Variants in PPP2R5E observed in about 807,000 individuals in gnomAD.
PPP2R5E encodes serine/threonine-protein phosphatase 2A 56 kDa regulatory subunit epsilon isoform.
In PPP2R5E, 4 loss-of-function variants were observed where a neutral mutation model predicts 65.3. The ratio of observed to expected loss-of-function variants is 0.06; its 90% CI spans 0.03 to 0.14. The LOEUF (loss-of-function observed/expected upper bound fraction) is 0.14, where lower values mean the gene tolerates loss of function less well. PPP2R5E is among the 10% of genes least tolerant of loss of function. PPP2R5E has a pLI of 1.00. For missense variants in PPP2R5E, 274 were observed against 556.1 expected (o/e 0.49, Z 5.10); for synonymous variants, 183 against 187.4 (o/e 0.98, Z 0.19).
intron 5 of PPP2R5E, among the ~76,000 whole-genome samples, chr14:63,400,386 T>C (rs1017785053): frequency 5.3e-5 from 8 of 152,154 alleles, no homozygotes; most frequent in African/African-American, 1.9e-4. Context: ...GGAAGAGACA[T>C]CCAGGCTGAC....
chr14:63,517,934 C>A (rs115528110), intron 2 of PPP2R5E, among the ~76,000 whole-genome samples: 1,928 of 152,192 alleles, frequency 0.013, 43 homozygotes, highest in African/African-American at 0.044. Context: ...TGAATTAATT[C>A]TATTGCATTA....
At chr14:63,536,909 A>C (rs1893689713) in intron 2 of PPP2R5E, among the ~76,000 whole-genome samples, 1 of 152,198 alleles carries the variant, frequency 6.6e-6, no homozygotes, top group South Asian at 2.1e-4. Context: ...ACAGAGCTTC[A>C]GTTGGGGAAG....
chr14:63,461,021 T>C (rs950497125), intron 2 of PPP2R5E, among the ~76,000 whole-genome samples: 18 of 152,200 alleles, frequency 1.2e-4, no homozygotes, highest in Non-Finnish European at 1.2e-4. Flanking sequence ...CTGAAACTTG[T>C]CAACACATGA....
intron 2 of PPP2R5E, among the ~76,000 whole-genome samples, chr14:63,477,875 A>T (rs8006981): frequency 2.0e-5 from 3 of 151,216 alleles, no homozygotes; most frequent in Admixed American, 6.6e-5. Context: ...TATATATAAA[A>T]TTTTTAAATG....
At chr14:63,485,718 A>C (rs1198865486) in intron 2 of PPP2R5E, among the ~76,000 whole-genome samples, 2 of 151,570 alleles carry the variant, frequency 1.3e-5, no homozygotes, top group East Asian at 3.9e-4. Context: ...CCAGCCAGCC[A>C]TGATTTTTTT....
chr14:63,449,663 G>T (rs1003875825), intron 3 of PPP2R5E, among the ~76,000 whole-genome samples: 1 of 151,972 alleles, frequency 6.6e-6, no homozygotes, highest in Admixed American at 6.6e-5. Context: ...AAAAGCACAA[G>T]CATGTTACCT....
intron 2 of PPP2R5E, among the ~76,000 whole-genome samples, chr14:63,525,631 T>A (rs1338355879): frequency 6.6e-6 from 1 of 152,134 alleles, no homozygotes; most frequent in East Asian, 1.9e-4. Flanking sequence ...AAAGTGTCAG[T>A]CTGCACAGAG....
chr14:63,473,999 A>G (rs1018827526), intron 2 of PPP2R5E, among the ~76,000 whole-genome samples: 3 of 152,214 alleles, frequency 2.0e-5, no homozygotes, highest in African/African-American at 4.8e-5. Context: ...AGAGACATTC[A>G]TATGATTTGT....
At chr14:63,533,115 G>A (rs553818264) in intron 2 of PPP2R5E, among the ~76,000 whole-genome samples, 1 of 152,114 alleles carries the variant, frequency 6.6e-6, no homozygotes, top group African/African-American at 2.4e-5. Context: ...GATTAAAGGT[G>A]TGAGTTATTT....
chr14:63,437,194 G>C (rs1887989772), intron 3 of PPP2R5E, among the ~76,000 whole-genome samples: 1 of 152,100 alleles, frequency 6.6e-6, no homozygotes, highest in African/African-American at 2.4e-5. Context: ...AAAGGGAGAG[G>C]AACCCTCAGT....
intron 2 of PPP2R5E, among the ~76,000 whole-genome samples, chr14:63,458,288 A>C (rs554150224): frequency 4.6e-5 from 7 of 152,346 alleles, no homozygotes; most frequent in African/African-American, 1.4e-4. Flanking sequence ...CAATTTGCAG[A>C]AGTAGCTCAT....
intron 2 of PPP2R5E, among the ~76,000 whole-genome samples, chr14:63,459,883 G>A (rs1410616145): frequency 6.6e-6 from 1 of 152,146 alleles, no homozygotes; most frequent in Admixed American, 6.5e-5. Context: ...GCTAAGGAAG[G>A]TCCCTGGAAA....
Position 63,374,855 on chromosome 14 carries a change from C to A in PPP2R5E, c.*1154G>T, listed in dbSNP as rs1235033558. The A allele has an allele frequency of 6.6e-6, 1 of 152,158 alleles. No homozygotes were observed. Among genetic ancestry groups the A allele is most frequent in the African/African-American group, 2.4e-5 (1 of 41,222 alleles). 9.4% of individuals were successfully genotyped at this position (152,158 alleles called of 1,614,324 possible). On this transcript the variant is annotated 3_prime_UTR_variant, in exon 14 of 14. Coordinates refer to ENST00000337537, the MANE Select transcript of PPP2R5E (RefSeq NM_006246.5). The stretch of plus-strand genomic sequence containing the variant: ...AACAAATACAGTAGTTAGGAATATG[C>A]ATCCAATTCAGAATGCATAATAATG...
rs1883941357 is a variant in PPP2R5E, at chr14:63,375,559, T to A, written c.*450A>T. The stretch of plus-strand genomic sequence containing the variant: ...ATCCAGAGGAGGATGTTACACAAAC[T>A]TATAAGGAAATGACAGTCTTTTTTT... On this transcript the variant is annotated 3_prime_UTR_variant, in exon 14 of 14. Transcript: ENST00000337537. 6.5e-6 allele frequency: 1 copy of A among 152,816 alleles called. No homozygotes were observed. Among genetic ancestry groups the A allele is most frequent in the Non-Finnish European group, 1.5e-5 (1 of 68,178 alleles). The allele number at this position is 152,816 out of a possible 1,614,324, so 9.5% of individuals were successfully genotyped here.
chr14:63,389,073 A>G (rs936464448), intron 11 of PPP2R5E, among the ~76,000 whole-genome samples: 2 of 152,074 alleles, frequency 1.3e-5, no homozygotes, highest in Non-Finnish European at 2.9e-5. Flanking sequence ...CCAAAGATCA[A>G]AATTTGACTC....
chr14:63,386,293 C>T (rs1884659442), intron 11 of PPP2R5E, among the ~76,000 whole-genome samples: 1 of 152,162 alleles, frequency 6.6e-6, no homozygotes, highest in Non-Finnish European at 1.5e-5. Context: ...TGCTAAGTGT[C>T]CCACATATAT....
chr14:63,457,224 G>A (rs191758657), intron 2 of PPP2R5E, among the ~76,000 whole-genome samples: 30 of 152,320 alleles, frequency 2.0e-4, no homozygotes, highest in African/African-American at 6.0e-4. Context: ...AGAGATCAGA[G>A]AAGGAACAAT....
At chr14:63,537,104 T>C (rs1893694572) in intron 2 of PPP2R5E, among the ~76,000 whole-genome samples, 1 of 152,126 alleles carries the variant, frequency 6.6e-6, no homozygotes, top group Non-Finnish European at 1.5e-5. Flanking sequence ...GTGTCCAAAT[T>C]CTTCTCATGC....
chr14:63,527,889 C>T (rs1350664651), intron 2 of PPP2R5E, among the ~76,000 whole-genome samples: 1 of 150,196 alleles, frequency 6.7e-6, no homozygotes, highest in African/African-American at 2.5e-5. Context: ...GAGCAGAGAT[C>T]GCGTCACTGC....
Sources: allele counts gnomAD v4.1 joint callset (sites outside exome capture counted in the v4.1 genomes callset), GRCh38; gene constraint gnomAD v4.1.1; transcripts MANE v1.5; gene names NCBI Gene and HGNC (gene_info 2026-07-23, HGNC 2026-07-21).